The following KDM1B variants were observed in gnomAD, a reference collection of about 807,000 sequenced individuals.
KDM1B encodes the protein lysine demethylase 1B, also known as lysine-specific histone demethylase 2.
Under a neutral mutation model 107.4 loss-of-function variants are expected in KDM1B, and 63 were observed. The ratio of observed to expected loss-of-function variants is 0.59; its 90% CI spans 0.48 to 0.72. KDM1B has a LOEUF of 0.72. KDM1B is among the 30% of genes least tolerant of loss of function. The pLI is 0.00. For synonymous variants in KDM1B, 363 were observed against 363.9 expected, an observed-to-expected ratio of 1.00 and a Z score of 0.03; for missense variants, 749 against 1,020.8, an observed-to-expected ratio of 0.73 and a Z score of 3.63.
chr6:18,182,694 C>CT (rs960317064), intron 7 of KDM1B, among the ~76,000 whole-genome samples: 19 of 151,960 alleles, frequency 1.3e-4, no homozygotes, highest in African/African-American at 4.1e-4. Flanking sequence ...TGCACAGCTA[C>CT]TTTTTTTTAA....
chr6:18,160,104 A>G, intron 3 of KDM1B, 122 bp downstream of exon 3: 1 of 628,160 alleles, frequency 1.6e-6, no homozygotes, highest in Non-Finnish European at 2.8e-6. Flanking sequence ...CTAGGGGAGA[A>G]ATTCTCAGTA....
In KDM1B at chr6:18,160,833, T is replaced by A. The variant is rs1582073422; in HGVS notation, c.88-494T>A. On this transcript the variant is annotated intron_variant, in intron 3 of 21. Transcript: ENST00000650836. ...TTTTTTTTTGACTCATGTCACTTTTTTTTTTTTTTTTTTTCCAGACAATCT... is the reference window on the plus strand; with the variant it reads ...TTTTTTTTTGACTCATGTCACTTTTATTTTTTTTTTTTTTCCAGACAATCT... Among the ~76,000 whole-genome samples, 4 of 149,144 alleles carry A rather than the reference T, an allele frequency of 2.7e-5. No individual in the cohort carries two copies. The East Asian group carries it at 7.8e-4, about 29-fold the overall frequency.
At position 18,222,276 on chromosome 6, in the gene KDM1B, A is replaced by AT; in HGVS notation, c.*287dup. 1 of 512,976 alleles carries AT rather than the reference A, an allele frequency of 1.9e-6. No homozygotes were observed. Among genetic ancestry groups the AT allele is most frequent in the South Asian group, 1.7e-5 (1 of 59,222 alleles). The allele number at this position is 512,976 out of a possible 1,614,324, so 31.8% of individuals were successfully genotyped here. ...ATGTAAGTTTCAGTTGAGGCCATGG[A>AT]TTTGATTGTTCCATGGCTGGAAGTT... On this transcript the variant is annotated 3_prime_UTR_variant, in exon 22 of 22. Coordinates refer to ENST00000650836, the MANE Select transcript of KDM1B (RefSeq NM_001364614.2).
intron 7 of KDM1B, among the ~76,000 whole-genome samples, chr6:18,175,784 T>A (rs1785958143): frequency 6.6e-6 from 1 of 152,124 alleles, no homozygotes; most frequent in Non-Finnish European, 1.5e-5. Context: ...CTCTAAGTAT[T>A]TGGGTTTATT....
In KDM1B at chr6:18,159,974, G is replaced by T; in HGVS notation, c.79G>T (p.Gly27Cys). The change falls in exon 3 of 22, where the codon GGT (glycine) becomes TGT (cysteine). Residue 27 changes from glycine (G) to cysteine (C), a missense_variant. Physicochemically the swap from Gly to Cys is radical, Grantham distance 159 (BLOSUM62 -3). Transcript: ENST00000650836. The surrounding 1 kb of genome is among the most constrained non-coding windows in gnomAD (Gnocchi z 4.5). ...GGATAGCCTTCCTTTGAGGAGCTCC[G>T]GTAGGCAGGTAGTGTTCATTTATTC... ...SPDSLPLRSS[G>C]RQAKKKATET... The T allele has an allele frequency of 1.9e-6, 3 of 1,594,280 alleles. No homozygotes were observed. Among genetic ancestry groups the T allele is most frequent in the Middle Eastern group, 1.7e-4 (1 of 6,024 alleles).
chr6:18,222,564 A>G lies in KDM1B; in HGVS notation c.*572A>G, dbSNP rs956158812. 1.2e-5 allele frequency: 2 copies of G among 171,464 alleles called. No homozygotes were observed. Among genetic ancestry groups the G allele is most frequent in the African/African-American group, 4.8e-5 (2 of 41,530 alleles). The allele number at this position is 171,464 out of a possible 1,614,324, so 10.6% of individuals were successfully genotyped here. On this transcript the variant is annotated 3_prime_UTR_variant, in exon 22 of 22. Transcript: ENST00000650836. ...AGCTTCTAGGTATTTTGTATTGTAC[A>G]TATTTCCTCCTACTGGGTGTTCAAA...
Position 18,223,215 on chromosome 6 carries a change from A to AAG in KDM1B, c.*1227_*1228dup, listed in dbSNP as rs1789905031. 6.6e-6 allele frequency: 1 copy of AAG among 152,558 alleles called. No homozygotes were observed. Among genetic ancestry groups the AAG allele is most frequent in the African/African-American group, 2.4e-5 (1 of 41,432 alleles). 9.5% of individuals were successfully genotyped at this position (152,558 alleles called of 1,614,324 possible). On this transcript the variant is annotated 3_prime_UTR_variant, in exon 22 of 22. Coordinates refer to ENST00000650836, the MANE Select transcript of KDM1B (RefSeq NM_001364614.2). The stretch of plus-strand genomic sequence containing the variant: ...AAAGAAGGGACTAAATATGACTTTA[A>AAG]AGAGACTTCAAAATATTGAGTATTT...
intron 2 of KDM1B, among the ~76,000 whole-genome samples, chr6:18,158,359 C>A (rs990588867): frequency 1.1e-4 from 15 of 141,386 alleles, no homozygotes; most frequent in East Asian, 2.1e-4. Flanking sequence ...AAAGGAAAAT[C>A]ATCCGTAACA....
intron 10 of KDM1B, among the ~76,000 whole-genome samples, chr6:18,192,920 C>T (rs968573790): frequency 4.6e-5 from 7 of 151,838 alleles, no homozygotes; most frequent in Admixed American, 1.3e-4. Context: ...CGGCTGGGCG[C>T]GGTGGCTCAC....
intron 9 of KDM1B, 75 bp downstream of exon 9, chr6:18,188,077 C>A: frequency 7.6e-7 from 1 of 1,319,582 alleles, no homozygotes; most frequent in Non-Finnish European, 1.1e-6. Context: ...GTGAGCAAAA[C>A]GCAAAGGATT....
At position 18,203,154 on chromosome 6, in the gene KDM1B, G is replaced by A. The variant is rs565868646; in HGVS notation, c.1531+1497G>A. Among the ~76,000 whole-genome samples, 98 of 152,126 alleles carry A rather than the reference G, an allele frequency of 6.4e-4. 1 individual carries two copies. The highest frequency in any genetic ancestry group is 1.2e-3 in the Non-Finnish European group (85 of 68,016). On this transcript the variant is annotated intron_variant, in intron 14 of 21. Transcript: ENST00000650836. This position sits in a 1 kb window ranked among gnomAD's most constrained non-coding sequence, Gnocchi z 5.5. ...AGCTGTAGGCCAGGCATGATGGTGT[G>A]TGCCTGTAGTCCCAGCTACTCAGGA...
At chr6:18,177,648 A>G (rs1487061662) in intron 7 of KDM1B, among the ~76,000 whole-genome samples, 5 of 151,556 alleles carry the variant, frequency 3.3e-5, no homozygotes, top group Non-Finnish European at 7.4e-5. Context: ...GCCTCAAGTG[A>G]TCCTCCCTTC....
intron 5 of KDM1B, among the ~76,000 whole-genome samples, chr6:18,164,578 A>C (rs531092265): frequency 1.3e-5 from 2 of 152,138 alleles, no homozygotes; most frequent in Non-Finnish European, 2.9e-5. Context: ...TGGCTGCCTC[A>C]GCTTTTTTAA....
At chr6:18,165,509 G>A (rs1036185613) in intron 5 of KDM1B, among the ~76,000 whole-genome samples, 4 of 152,012 alleles carry the variant, frequency 2.6e-5, no homozygotes, top group Non-Finnish European at 4.4e-5. Flanking sequence ...GGCTGCCCTA[G>A]GATTTACTAC....
In KDM1B at chr6:18,159,264, C is replaced by A. The variant is rs1241435883; in HGVS notation, c.-13-619C>A. 1.1e-4 allele frequency among the ~76,000 whole-genome samples: 17 copies of A among 152,144 alleles called. No individual in the cohort carries two copies. The highest frequency in any genetic ancestry group is 1.0e-3 in the Admixed American group (16 of 15,264). ...TACAAGCATGAACCACTGTGCCCAG[C>A]CATGAGTTTTCTTTTTAAAGTGTAA... On this transcript the variant is annotated intron_variant, in intron 2 of 21. Transcript: ENST00000650836. The surrounding 1 kb of genome is among the most constrained non-coding windows in gnomAD (Gnocchi z 4.5).
At chr6:18,161,223 G>C in intron 3 of KDM1B, 104 bp from the exon 4 acceptor site, 1 of 1,004,562 alleles carries the variant, frequency 1.0e-6, no homozygotes, top group Non-Finnish European at 1.5e-6. Flanking sequence ...TGATGTTTTT[G>C]ACCTTCATGT....
chr6:18,208,951 G>A (rs970554257), intron 17 of KDM1B, among the ~76,000 whole-genome samples: 12 of 151,662 alleles, frequency 7.9e-5, no homozygotes, highest in Admixed American at 4.6e-4. Flanking sequence ...ACTGTGCTCC[G>A]CCCAAATAGA....
chr6:18,190,899 CAA>C (rs568735839), intron 9 of KDM1B, among the ~76,000 whole-genome samples: 3 of 125,360 alleles, frequency 2.4e-5, no homozygotes, highest in Non-Finnish European at 1.8e-5. Context: ...GACTCTGTCT[CAA>C]AAAAAAAAAA....
intron 8 of KDM1B, 60 bp from the exon 9 acceptor site, chr6:18,187,732 A>C: frequency 8.8e-7 from 1 of 1,136,586 alleles, no homozygotes; most frequent in Middle Eastern, 1.9e-4. Context: ...CCCTGGCAGA[A>C]TCTGCATGTA....
Sources: allele counts gnomAD v4.1 joint callset (sites outside exome capture counted in the v4.1 genomes callset), GRCh38; gene constraint gnomAD v4.1.1; non-coding constraint Gnocchi (gnomAD v3.1); transcripts MANE v1.5; gene names NCBI Gene and HGNC (gene_info 2026-07-23, HGNC 2026-07-21).